DGKB: variants seen among roughly 807,000 people sequenced by gnomAD.
The protein encoded by DGKB is diacylglycerol kinase beta.
A neutral mutation model predicts 114.3 loss-of-function variants in DGKB; 67 were observed. The ratio of observed to expected loss-of-function variants is 0.59; its 90% confidence interval spans 0.48 to 0.72. DGKB has a LOEUF of 0.72. Among genes scored for constraint, DGKB ranks in the 30% least tolerant of loss-of-function variants. DGKB has a pLI of 0.00. For missense variants in DGKB, 907 were observed against 975.2 expected, an observed-to-expected ratio of 0.93 and a Z score of 0.93; for synonymous variants, 398 against 323.1, an observed-to-expected ratio of 1.23 and a Z score of -2.49.
chr7:14,202,232 CA>C, intron 23 of DGKB, among the ~76,000 whole-genome samples: 1 of 151,588 alleles, frequency 6.6e-6, no homozygotes, highest in African/African-American at 2.4e-5. Flanking sequence ...TTCTGGTAAC[CA>C]ATAGCATTTC....
At chr7:14,213,238 C>T (rs1380707994) in intron 23 of DGKB, among the ~76,000 whole-genome samples, 3 of 151,616 alleles carry the variant, frequency 2.0e-5, no homozygotes, top group Non-Finnish European at 4.4e-5. Flanking sequence ...TATATATATC[C>T]CTCTGTTAGA....
chr7:14,281,190 A>T (rs1012221779), intron 23 of DGKB, among the ~76,000 whole-genome samples: 17 of 151,720 alleles, frequency 1.1e-4, no homozygotes, highest in African/African-American at 4.1e-4. Flanking sequence ...TGGAGAACAA[A>T]AACAGGCAGG....
intron 21 of DGKB, among the ~76,000 whole-genome samples, chr7:14,475,510 C>A (rs1782037545): frequency 6.6e-6 from 1 of 152,106 alleles, no homozygotes; most frequent in Admixed American, 6.6e-5. Context: ...ATATGGAATT[C>A]TGTGGCTGAT....
At chr7:14,280,659 C>G (rs1799798346) in intron 23 of DGKB, among the ~76,000 whole-genome samples, 2 of 151,346 alleles carry the variant, frequency 1.3e-5, no homozygotes, top group African/African-American at 4.9e-5. Context: ...AACAGCGGAT[C>G]TCTCGGCAGA....
chr7:14,441,267 G>A (rs1583964376), intron 21 of DGKB, among the ~76,000 whole-genome samples: 2 of 151,802 alleles, frequency 1.3e-5, no homozygotes, highest in African/African-American at 2.4e-5. Flanking sequence ...TCAGCCTCCC[G>A]AAGTGCTGGG....
chr7:14,875,765 T>C (rs1483953057), intron 1 of DGKB, among the ~76,000 whole-genome samples: 5 of 152,128 alleles, frequency 3.3e-5, no homozygotes, highest in Non-Finnish European at 5.9e-5. Context: ...ACAGTTTTGG[T>C]TGTGGCCCAA....
intron 21 of DGKB, among the ~76,000 whole-genome samples, chr7:14,362,635 A>T (rs1367965720): frequency 7.8e-6 from 1 of 127,688 alleles, no homozygotes; most frequent in Non-Finnish European, 1.6e-5. Flanking sequence ...CTTAGAGTGT[A>T]TATACAATAA....
chr7:14,526,193 T>A (rs1228307150), intron 20 of DGKB, among the ~76,000 whole-genome samples: 1 of 152,162 alleles, frequency 6.6e-6, no homozygotes, highest in Non-Finnish European at 1.5e-5. Context: ...CACTCATTCA[T>A]TTAAATCAGG....
chr7:14,345,977 T>C (rs1412333466), intron 21 of DGKB, among the ~76,000 whole-genome samples: 1 of 151,376 alleles, frequency 6.6e-6, no homozygotes, highest in African/African-American at 2.4e-5. Context: ...GTCAAATAGA[T>C]TTTTATATTA....
At chr7:14,845,234 C>A (rs1172149457) in intron 1 of DGKB, among the ~76,000 whole-genome samples, 1 of 151,340 alleles carries the variant, frequency 6.6e-6, no homozygotes, top group Non-Finnish European at 1.5e-5. Context: ...TAGATCTGTA[C>A]AGGAATGCTA....
intron 12 of DGKB, among the ~76,000 whole-genome samples, chr7:14,677,615 T>C (rs1229906396): frequency 6.6e-6 from 1 of 152,078 alleles, no homozygotes; most frequent in African/African-American, 2.4e-5. Flanking sequence ...TGGTGAGTCC[T>C]GCCTGACCAG....
chr7:14,969,268 T>C (rs1787329567), intron 1 of DGKB, among the ~76,000 whole-genome samples: 1 of 152,132 alleles, frequency 6.6e-6, no homozygotes, highest in Non-Finnish European at 1.5e-5. Context: ...TATGCCTGGG[T>C]GATACTAAAG....
intron 20 of DGKB, among the ~76,000 whole-genome samples, chr7:14,490,678 A>C (rs1389909040): frequency 6.6e-6 from 1 of 152,194 alleles, no homozygotes; most frequent in African/African-American, 2.4e-5. Flanking sequence ...GTCCTGGGAA[A>C]AGAAGCCTAT....
chr7:14,251,488 G>A (rs187205887), intron 23 of DGKB, among the ~76,000 whole-genome samples: 96 of 152,060 alleles, frequency 6.3e-4, no homozygotes, highest in Non-Finnish European at 1.5e-5. Flanking sequence ...GGTTTTTAAA[G>A]TTTTGTTTGT....
In DGKB at chr7:14,574,314, G is replaced by A; in HGVS notation, c.1668C>T (p.Ile556=). ...ILKDIENSTE[I]MLDRWKFEVI... ...CTTCAAACTTCCACCTGTCCAACAT[G>A]ATTTCTGTGCTGTTTTCAATGTCTT... The change falls in exon 20 of 26, where the codon ATC becomes ATT. Residue 556 remains isoleucine (I), a synonymous_variant. Coordinates refer to ENST00000402815, the MANE Select transcript of DGKB (RefSeq NM_001350709.2). 2 of 1,613,148 alleles carry A rather than the reference G, an allele frequency of 1.2e-6. No homozygotes were observed. The highest frequency in any genetic ancestry group is 1.7e-6 in the Non-Finnish European group (2 of 1,179,522).
chr7:14,833,557 G>A (rs1846721142), intron 2 of DGKB, among the ~76,000 whole-genome samples: 1 of 152,096 alleles, frequency 6.6e-6, no homozygotes, highest in South Asian at 2.1e-4. Context: ...TCTCAGGAGT[G>A]TATTCATTTC....
intron 2 of DGKB, among the ~76,000 whole-genome samples, chr7:14,828,042 T>G (rs1845930256): frequency 1.3e-5 from 2 of 152,100 alleles, no homozygotes; most frequent in Non-Finnish European, 2.9e-5. Context: ...GTGTGATCAG[T>G]AGTTTATAAA....
chr7:14,550,050 T>C (rs1794890426), intron 20 of DGKB, among the ~76,000 whole-genome samples: 1 of 152,130 alleles, frequency 6.6e-6, no homozygotes, highest in African/African-American at 2.4e-5. Flanking sequence ...TGAAAATTTA[T>C]TAATAAAACT....
rs753423060 is a variant in DGKB at position 14,583,161 on chromosome 7, A to C, written c.1434-24T>G. The C allele has an allele frequency of 3.6e-5, 51 of 1,431,284 alleles. No individual in the cohort carries two copies. The African/African-American group carries it at 6.3e-4, about 18-fold the overall frequency. 88.7% of individuals were successfully genotyped at this position (1,431,284 alleles called of 1,614,324 possible). On this transcript the variant is annotated intron_variant, in intron 17 of 25. Coordinates refer to ENST00000402815, the MANE Select transcript of DGKB (RefSeq NM_001350709.2). ...ACCTGAAAAATAAGCATGTTATGGC[A>C]CATGATTAATAGTTTAAAAATAAGA...
Sources: gnomAD v4.1 joint callset for allele counts (sites outside exome capture counted in the v4.1 genomes callset) on GRCh38, gnomAD v4.1.1 for gene constraint, MANE v1.5 for transcripts, NCBI Gene and HGNC (gene_info 2026-07-23, HGNC 2026-07-21) for gene names.